MECOM: variants seen among roughly 807,000 people sequenced by gnomAD.
The protein encoded by MECOM is histone-lysine N-methyltransferase MECOM.
A neutral mutation model predicts 116.3 loss-of-function variants in MECOM; 13 were observed. That is an observed-to-expected ratio of 0.11 (90% CI 0.07 to 0.18). The LOEUF (loss-of-function observed/expected upper bound fraction) is 0.18, where lower values mean the gene tolerates loss of function less well. Ranked by LOEUF, MECOM falls within the 10% of genes least tolerant of loss-of-function variation. The probability of loss-of-function intolerance (pLI) is 1.00; values close to 1 mark genes in which losing one functional copy is unlikely to be tolerated. For synonymous variants in MECOM, 528 were observed against 535.2 expected (o/e 0.99, Z 0.19); for missense variants, 1,299 against 1,509.0 (o/e 0.86, Z 2.31).
intron 1 of MECOM, among the ~76,000 whole-genome samples, chr3:169,401,943 A>C (rs1322149431): frequency 2.6e-5 from 4 of 152,212 alleles, no homozygotes; most frequent in Non-Finnish European, 5.9e-5. Context: ...GAAAATGGAA[A>C]GATCAGAACT....
At position 169,176,143 on chromosome 3, in the gene MECOM, CAA is replaced by C. The variant is rs72232009; in HGVS notation, c.376-32313_376-32312del. ...ACAACACACACACACACATACACACCAAAAAAAAAAAACCCCTCATATGTTTT... is the reference window on the plus strand; with the variant it reads ...ACAACACACACACACACATACACACCAAAAAAAAAACCCCTCATATGTTTT... On this transcript the variant is annotated intron_variant, in intron 2 of 16. Coordinates refer to ENST00000651503, the MANE Select transcript of MECOM (RefSeq NM_004991.4). Among the ~76,000 whole-genome samples, 272 of 141,074 alleles carry C rather than the reference CAA, an allele frequency of 1.9e-3. 1 individual carries two copies. The highest frequency in any genetic ancestry group is 2.8e-3 in the Admixed American group (39 of 14,076). 92.6% of individuals were successfully genotyped at this position (141,074 alleles called of 152,430 possible).
chr3:169,355,793 T>A (rs774699286), intron 2 of MECOM, among the ~76,000 whole-genome samples: 16 of 151,904 alleles, frequency 1.1e-4, no homozygotes, highest in Admixed American at 2.0e-4. Flanking sequence ...CTTTTAGATA[T>A]AAATACCATA....
At position 169,118,856 on chromosome 3, in the gene MECOM, T is replaced by C. The variant is rs546410169; in HGVS notation, c.1133-2117A>G. Among the ~76,000 whole-genome samples, 129 of 152,286 alleles carry C rather than the reference T, an allele frequency of 8.5e-4. 2 individuals carry two copies. Among genetic ancestry groups the C allele is most frequent in the African/African-American group, 3.0e-3 (125 of 41,576 alleles). On this transcript the variant is annotated intron_variant, in intron 7 of 16. Transcript: ENST00000651503. ...CAAGAACATCGAATCTGGGATGTTTTCTTAGGCAGAGGCTTTGTTTTCGGC... is the reference window on the plus strand; with the variant it reads ...CAAGAACATCGAATCTGGGATGTTTCCTTAGGCAGAGGCTTTGTTTTCGGC...
At chr3:169,283,364 G>A (rs1248573156) in intron 2 of MECOM, among the ~76,000 whole-genome samples, 2 of 151,634 alleles carry the variant, frequency 1.3e-5, no homozygotes, top group Non-Finnish European at 2.9e-5. Flanking sequence ...TTAACTGGAT[G>A]TGGCAGCATC....
At chr3:169,152,932 T>A (rs1201247005) in intron 2 of MECOM, among the ~76,000 whole-genome samples, 2 of 152,204 alleles carry the variant, frequency 1.3e-5, no homozygotes, top group Admixed American at 1.3e-4. Context: ...CTAGCAGCTC[T>A]TTGGAAACTA....
rs1193699948 is a variant in MECOM, at chr3:169,100,804, TTTAA to T, written c.2849+77_2849+80del. The T allele has an allele frequency of 4.1e-5, 33 of 807,088 alleles. 1 individual carries two copies. Among genetic ancestry groups the T allele is most frequent in the East Asian group, 2.8e-4 (6 of 21,538 alleles). The allele number at this position is 807,088 out of a possible 1,614,324, so 50.0% of individuals were successfully genotyped here. A position where few individuals can be genotyped will look rare whatever the true frequency, so the allele number is the denominator to read the frequency against. On this transcript the variant is annotated intron_variant, in intron 12 of 16. Coordinates refer to ENST00000651503, the MANE Select transcript of MECOM (RefSeq NM_004991.4). Reference sequence around the variant, plus strand: ...AATTTAAACTTTAATTATTATAAACTTTAATTATTATTTTATTATTAAAATAAAC... The same window carrying T: ...AATTTAAACTTTAATTATTATAAACTTTATTATTTTATTATTAAAATAAAC...
At chr3:169,445,950 C>T (rs551861017) in intron 1 of MECOM, among the ~76,000 whole-genome samples, 1 of 152,166 alleles carries the variant, frequency 6.6e-6, no homozygotes, top group Non-Finnish European at 1.5e-5. Context: ...CAGTTTCTCC[C>T]ATTTGGAATG....
At chr3:169,093,508 T>G (rs113681574) in intron 13 of MECOM, among the ~76,000 whole-genome samples, 5 of 152,322 alleles carry the variant, frequency 3.3e-5, no homozygotes, top group African/African-American at 1.2e-4. Flanking sequence ...TTTTATTTAT[T>G]TATTTATTTT....
At chr3:169,417,268 A>C (rs1738819794) in intron 1 of MECOM, among the ~76,000 whole-genome samples, 1 of 149,450 alleles carries the variant, frequency 6.7e-6, no homozygotes, top group African/African-American at 2.5e-5. Flanking sequence ...CAAGAAAAAA[A>C]CAAACAACCC....
At chr3:169,519,735 C>T (rs553234121) in intron 1 of MECOM, among the ~76,000 whole-genome samples, 30 of 152,258 alleles carry the variant, frequency 2.0e-4, no homozygotes, top group Non-Finnish European at 3.7e-4. Context: ...CTCAGGAAGA[C>T]TCCTTTGCCC....
intron 1 of MECOM, among the ~76,000 whole-genome samples, chr3:169,483,197 T>A (rs1326273407): frequency 2.4e-4 from 24 of 101,358 alleles, no homozygotes; most frequent in African/African-American, 9.5e-4. Flanking sequence ...TTTATTTTTA[T>A]TTTTATTTTT....
intron 1 of MECOM, among the ~76,000 whole-genome samples, chr3:169,382,655 G>A (rs223103): frequency 0.53 from 80,766 of 151,320 alleles, 21,998 homozygotes; most frequent in East Asian, 0.87. Context: ...TGAAAATTAC[G>A]AAGAAACAGA....
intron 1 of MECOM, among the ~76,000 whole-genome samples, chr3:169,468,723 A>G (rs1375218059): frequency 6.6e-6 from 1 of 152,240 alleles, no homozygotes; most frequent in East Asian, 1.9e-4. Flanking sequence ...TTAATGCATA[A>G]TGGTAGCAAT....
chr3:169,333,116 A>G (rs1723022020), intron 2 of MECOM, among the ~76,000 whole-genome samples: 1 of 152,226 alleles, frequency 6.6e-6, no homozygotes, highest in Admixed American at 6.6e-5. Flanking sequence ...GTTCAGAAGA[A>G]TATAAAGGTC....
intron 2 of MECOM, among the ~76,000 whole-genome samples, chr3:169,332,147 C>A (rs1722852881): frequency 1.3e-5 from 2 of 152,106 alleles, no homozygotes; most frequent in Non-Finnish European, 2.9e-5. Context: ...AACCACATAT[C>A]CCTCAGGGGG....
intron 1 of MECOM, among the ~76,000 whole-genome samples, chr3:169,415,550 C>T (rs369379349): frequency 3.3e-5 from 5 of 152,024 alleles, no homozygotes; most frequent in South Asian, 2.1e-4. Flanking sequence ...TAAATGCAAA[C>T]GGGCTAAATG....
chr3:169,128,347 C>A (rs1733585878), intron 4 of MECOM, among the ~76,000 whole-genome samples: 1 of 152,162 alleles, frequency 6.6e-6, no homozygotes, highest in South Asian at 2.1e-4. Flanking sequence ...ATACGACTTA[C>A]TGAGCATCAT....
rs7614723 is a variant in MECOM at position 169,345,225 on chromosome 3, C to T, written c.375+35962G>A. Among the ~76,000 whole-genome samples, 1,402 of 152,132 alleles carry T rather than the reference C, an allele frequency of 9.2e-3. 23 individuals are homozygous for T. The highest frequency in any genetic ancestry group is 0.033 in the African/African-American group (1,349 of 41,502). Reference sequence around the variant, plus strand: ...TTATATCAACTTGACTTATACCTTCCCAGCAGCAGTACCTCAGTATTGCAT... The same window carrying T: ...TTATATCAACTTGACTTATACCTTCTCAGCAGCAGTACCTCAGTATTGCAT... On this transcript the variant is annotated intron_variant, in intron 2 of 16. Coordinates refer to ENST00000651503, the MANE Select transcript of MECOM (RefSeq NM_004991.4).
At chr3:169,120,433 T>C (rs1316450730) in intron 7 of MECOM, among the ~76,000 whole-genome samples, 2 of 152,180 alleles carry the variant, frequency 1.3e-5, no homozygotes, top group African/African-American at 2.4e-5. Flanking sequence ...CCTATAAACT[T>C]GCTTTGGTGC....
Sources: allele counts gnomAD v4.1 joint callset (sites outside exome capture counted in the v4.1 genomes callset), GRCh38; gene constraint gnomAD v4.1.1; transcripts MANE v1.5; gene names NCBI Gene and HGNC (gene_info 2026-07-23, HGNC 2026-07-21).